Variants in ASPM observed in about 807,000 individuals in gnomAD.
ASPM encodes abnormal spindle-like microcephaly-associated protein.
In ASPM, 256 loss-of-function variants were observed where a neutral mutation model predicts 366.4. The ratio of observed to expected loss-of-function variants is 0.70; its 90% CI spans 0.63 to 0.77. The LOEUF is 0.77. Among genes scored for constraint, ASPM ranks in the 30% least tolerant of loss-of-function variants. The pLI is 0.00. For synonymous variants in ASPM, 1,414 were observed against 1,342.9 expected (o/e 1.05, Z -1.16); for missense variants, 4,146 against 4,090.4 (o/e 1.01, Z -0.37).
chr1:197,142,228 A>T, intron 3 of ASPM, 103 bp downstream of exon 3: 1 of 1,259,402 alleles, frequency 7.9e-7, no homozygotes, highest in South Asian at 1.3e-5. Context: ...CCAGCAAATA[A>T]GTAAAAACTA....
chr1:197,114,952 T>C (rs768537683), intron 17 of ASPM, among the ~76,000 whole-genome samples: 1 of 152,106 alleles, frequency 6.6e-6, no homozygotes, highest in East Asian at 1.9e-4. Context: ...TTTCTCCACG[T>C]TGGCCAGACT....
At chr1:197,144,354 G>C (rs1658700532) in intron 1 of ASPM, among the ~76,000 whole-genome samples, 1 of 152,112 alleles carries the variant, frequency 6.6e-6, no homozygotes, top group African/African-American at 2.4e-5. Flanking sequence ...AGAACAGATA[G>C]TCTCTAAATC....
Position 197,125,134 on chromosome 1 carries a change from C to G in ASPM, c.2994G>C (p.Pro998=). Residue 998 remains proline (P), a synonymous_variant, in exon 11 of 28, where the codon CCG becomes CCC. Coordinates refer to ENST00000367409, the MANE Select transcript of ASPM (RefSeq NM_018136.5). ...GCATCTTTTGAAGACGACTTATTGCCGGAATCCTGAGTTTCTTTGAGAGGT... is the reference window on the plus strand; with the variant it reads ...GCATCTTTTGAAGACGACTTATTGCGGGAATCCTGAGTTTCTTTGAGAGGT... ...NWDLSKKLRI[P]AISRLQKMHN... 6.2e-7 allele frequency: 1 copy of G among 1,613,916 alleles called. No individual in the cohort carries two copies. Among genetic ancestry groups the G allele is most frequent in the African/African-American group, 1.3e-5 (1 of 74,978 alleles).
rs1418862226 is a variant in ASPM at position 197,104,669 on chromosome 1, T to C, written c.4582A>G (p.Lys1528Glu). The part of the protein sequence containing the change: ...QKYYKAYLKG[K>E]IERTNYLQKR... ...TGCAAATAGTTGGTGCGCTCAATCT[T>C]TCCTTTCAGATATGCTTTGTAGTAC... Residue 1528 changes from lysine to glutamate, a missense_variant, in exon 18 of 28, where the codon AAG (lysine) becomes GAG (glutamate). By Grantham distance (56) the Lys-to-Glu change is moderately conservative. Transcript: ENST00000367409. The C allele has an allele frequency of 1.2e-6, 2 of 1,613,192 alleles. No individual in the cohort carries two copies. Among genetic ancestry groups the C allele is most frequent in the Non-Finnish European group, 1.7e-6 (2 of 1,179,458 alleles).
intron 17 of ASPM, 58 bp from the exon 18 acceptor site, chr1:197,105,243 C>T (rs1037442410): frequency 7.5e-7 from 1 of 1,328,054 alleles, no homozygotes; most frequent in Non-Finnish European, 1.1e-6. Flanking sequence ...ATATTTAACA[C>T]TTTTCAAAAT....
At chr1:197,115,067 G>A (rs1459534781) in intron 17 of ASPM, among the ~76,000 whole-genome samples, 1 of 151,638 alleles carries the variant, frequency 6.6e-6, no homozygotes, top group Non-Finnish European at 1.5e-5. Flanking sequence ...ATTTTTAAAT[G>A]GGGTCTCACT....
chr1:197,112,356 T>C (rs1394095671), intron 17 of ASPM, among the ~76,000 whole-genome samples: 1 of 152,028 alleles, frequency 6.6e-6, no homozygotes, highest in Non-Finnish European at 1.5e-5. Context: ...TGGGGCCTAT[T>C]GGAGAGTGAA....
Position 197,104,459 on chromosome 1 carries a change from G to T in ASPM, c.4792C>A (p.Gln1598Lys), listed in dbSNP as rs759129914. 28 of 1,612,706 alleles carry T rather than the reference G, an allele frequency of 1.7e-5. No individual in the cohort carries two copies. The highest frequency in any genetic ancestry group is 2.2e-5 in the Non-Finnish European group (26 of 1,179,380). Residue 1598 changes from glutamine (Q) to lysine (K), a missense_variant, in exon 18 of 28, where the codon CAA (glutamine) becomes AAA (lysine). Gln to Lys is a moderately conservative substitution (Grantham distance 53, BLOSUM62 1). This residue lies in a region of ASPM where 3,624 missense variants were observed against 3,591.7 expected (regional missense o/e 1.01). Coordinates refer to ENST00000367409, the MANE Select transcript of ASPM (RefSeq NM_018136.5). Reference protein sequence around the residue: ...KFQAHVRKHQQRQKYKKMKKA... With the variant: ...KFQAHVRKHQKRQKYKKMKKA... ...TTCATCTTCTTATATTTCTGTCGTT[G>T]TTGATGTTTTCTTACATGTGCCTGA...
rs373480849 is a variant in ASPM at position 197,121,124 on chromosome 1, GTTTTA to G, written c.3870+786_3870+790del. On this transcript the variant is annotated intron_variant, in intron 16 of 27. Coordinates refer to ENST00000367409, the MANE Select transcript of ASPM (RefSeq NM_018136.5). ...TAAATTTTACCAGGCATGGATGCTTGTTTTATTTTATTTTTTTTGGTTTTCCAAAT... is the reference window on the plus strand; with the variant it reads ...TAAATTTTACCAGGCATGGATGCTTGTTTTATTTTTTTTGGTTTTCCAAAT... Among the ~76,000 whole-genome samples the G allele has an allele frequency of 2.5e-3, 374 of 152,104 alleles. 2 individuals are homozygous for G. The highest frequency in any genetic ancestry group is 8.3e-3 in the African/African-American group (345 of 41,522).
chr1:197,122,351 T>C (rs202064183), intron 14 of ASPM, 37 bp downstream of exon 14: 605 of 1,613,352 alleles, frequency 3.7e-4, no homozygotes, highest in Admixed American at 7.8e-4. Context: ...AAATCAGACA[T>C]GGCAAAAAAT....
intron 4 of ASPM, chr1:197,138,617 AG>A (rs1246017263): frequency 1.8e-5 from 8 of 448,846 alleles, no homozygotes; most frequent in Non-Finnish European, 4.0e-6. Context: ...CACTTTAGTT[AG>A]GGAAAATATA....
At position 197,143,256 on chromosome 1, in the gene ASPM, T is replaced by C. The variant is rs1384820341; in HGVS notation, c.996A>G (p.Leu332=). The C allele has an allele frequency of 1.9e-6, 3 of 1,612,544 alleles. No individual in the cohort carries two copies. Among genetic ancestry groups the C allele is most frequent in the African/African-American group, 2.7e-5 (2 of 74,892 alleles). Residue 332 remains leucine (L), a synonymous_variant, in exon 3 of 28, where the codon CTA becomes CTG. Coordinates refer to ENST00000367409, the MANE Select transcript of ASPM (RefSeq NM_018136.5). Reference sequence around the variant, plus strand: ...CTGATGAAAGACATGTTACTAATTCTAGTTCATTATTAGCTCCATGACTAT... The same window carrying C: ...CTGATGAAAGACATGTTACTAATTCCAGTTCATTATTAGCTCCATGACTAT... ...VNNSHGANNE[L]ELVTCLSSDM... is the part of the protein sequence containing the mutation.
chr1:197,135,071 AT>A (rs1451767273), intron 5 of ASPM, 24 bp downstream of exon 5: 6 of 1,453,596 alleles, frequency 4.1e-6, no homozygotes, highest in Non-Finnish European at 5.7e-6. Context: ...GTATTATTAA[AT>A]TTAAACATTA....
chr1:197,142,588 G>C lies in ASPM; in HGVS notation c.1664C>G (p.Ser555Cys). ...LPIIDPILSK[S>C]KSYKNEVTPS... ...TGTTACCTCGTTTTTATAACTCTTA[G>C]ATTTACTTAATATTGGATCTATAAT... The change falls in exon 3 of 28, where the codon TCT (serine) becomes TGT (cysteine). Residue 555 changes from serine to cysteine, a missense_variant. Ser to Cys is a moderately radical substitution (Grantham distance 112). Transcript: ENST00000367409. 3.7e-6 allele frequency: 6 copies of C among 1,613,504 alleles called. No homozygotes were observed. The highest frequency in any genetic ancestry group is 5.1e-6 in the Non-Finnish European group (6 of 1,179,504).
At chr1:197,135,589 G>C (rs936949949) in intron 4 of ASPM, among the ~76,000 whole-genome samples, 7 of 150,144 alleles carry the variant, frequency 4.7e-5, no homozygotes, top group Non-Finnish European at 7.4e-5. Context: ...ATCAGGTCAG[G>C]GTACTTGGGA....
intron 27 of ASPM, 67 bp downstream of exon 27, chr1:197,086,736 A>C: frequency 1.9e-5 from 25 of 1,336,034 alleles, no homozygotes; most frequent in Non-Finnish European, 2.7e-5. Context: ...GTAAGTGCTC[A>C]ATAAATATTT....
chr1:197,084,977 T>G (rs1312733913), intron 27 of ASPM, among the ~76,000 whole-genome samples: 1 of 148,280 alleles, frequency 6.7e-6, no homozygotes, highest in Non-Finnish European at 1.5e-5. Flanking sequence ...GAACCAGTTC[T>G]TCTACCCCAC....
At chr1:197,120,098 A>G (rs988504830) in intron 16 of ASPM, among the ~76,000 whole-genome samples, 5 of 152,162 alleles carry the variant, frequency 3.3e-5, no homozygotes, top group African/African-American at 9.7e-5. Context: ...AAGTTTAACC[A>G]TAAGTATAGA....
In ASPM at chr1:197,101,711, A is replaced by G; in HGVS notation, c.7540T>C (p.Tyr2514His). The G allele has an allele frequency of 6.2e-7, 1 of 1,612,140 alleles. No individual in the cohort carries two copies. Among genetic ancestry groups the G allele is most frequent in the Non-Finnish European group, 8.5e-7 (1 of 1,178,986 alleles). ...KHASILIQQHYRTYRAAKLQR... is the reference protein window; with the variant it reads ...KHASILIQQHHRTYRAAKLQR... ...AATTTTGCAGCTCTATATGTTCGAT[A>G]ATGTTGCTGAATTAGAATTGAAGCA... The change falls in exon 18 of 28, where the codon TAT becomes CAT. Residue 2514 changes from tyrosine to histidine, a missense_variant. Physicochemically the swap from Tyr to His is moderately conservative, Grantham distance 83. Around this residue, in one of 3 missense-constraint regions of ASPM, gnomAD observed 3,624 missense variants for 3,591.7 expected, o/e 1.01. Coordinates refer to ENST00000367409, the MANE Select transcript of ASPM (RefSeq NM_018136.5).
Sources: gnomAD v4.1 joint callset for allele counts (sites outside exome capture counted in the v4.1 genomes callset) on GRCh38, gnomAD v4.1.1 for gene constraint, gnomAD v4.1.1 regional missense constraint, MANE v1.5 for transcripts, NCBI Gene and HGNC (gene_info 2026-07-23, HGNC 2026-07-21) for gene names.